DCT: variants seen among roughly 807,000 people sequenced by gnomAD.
DCT encodes the protein L-dopachrome tautomerase.
In DCT, 47 loss-of-function variants were observed where a neutral mutation model predicts 53.0. The ratio of observed to expected loss-of-function variants is 0.89; its 90% CI spans 0.70 to 1.13. DCT has a LOEUF of 1.13. Ranked by LOEUF, DCT falls within the 50% of genes most tolerant of loss-of-function variation. The pLI is 0.00. For missense variants in DCT, 669 were observed against 637.4 expected (o/e 1.05, Z -0.53); for synonymous variants, 244 against 237.0 (o/e 1.03, Z -0.27).
At chr13:94,468,239 T>C (rs41275886) in intron 2 of DCT, 7,123 of 157,426 alleles carry the variant, frequency 0.045, 540 homozygotes, top group African/African-American at 0.16. Context: ...TATCATGTGA[T>C]AGACTGTCTA....
rs200817494 is a variant in DCT, at chr13:94,461,292, CAT to C, written c.1043+716_1043+717del. On this transcript the variant is annotated intron_variant, in intron 5 of 7. Coordinates refer to ENST00000377028, the MANE Select transcript of DCT (RefSeq NM_001922.5). ...GAAACTCTGGGAGCAGGGCATGAAACATGTGTTTTTCTTTGGTGATTTTGAGA... is the reference window on the plus strand; with the variant it reads ...GAAACTCTGGGAGCAGGGCATGAAACGTGTTTTTCTTTGGTGATTTTGAGA... 6.4e-3 allele frequency among the ~76,000 whole-genome samples: 977 copies of C among 152,158 alleles called. 9 individuals carry two copies. Among genetic ancestry groups the C allele is most frequent in the Middle Eastern group, 0.031 (9 of 294 alleles).
rs1566855309 is a variant in DCT, at chr13:94,472,556, ATATATATATATATTTTTTTTTTTTTTTT to A, written c.296-3539_296-3512del. ...TATATATATATATATATATATATATATATATATATATATTTTTTTTTTTTTTTTTTTTTTTTTTTTTTGTCAAGACAGT... is the reference window on the plus strand; with the variant it reads ...TATATATATATATATATATATATATATTTTTTTTTTTTTTGTCAAGACAGT... On this transcript the variant is annotated intron_variant, in intron 1 of 7. Transcript: ENST00000377028. 9.6e-3 allele frequency among the ~76,000 whole-genome samples: 218 copies of A among 22,768 alleles called. 3 individuals carry two copies. The highest frequency in any genetic ancestry group is 0.013 in the Non-Finnish European group (181 of 13,628). 14.9% of individuals were successfully genotyped at this position (22,768 alleles called of 152,430 possible).
At chr13:94,524,051 GC>G in the DCT span, among the ~76,000 whole-genome samples, 2 of 152,174 alleles carry the variant, frequency 1.3e-5, no homozygotes, top group Non-Finnish European at 1.5e-5. Flanking sequence ...AATAAAATGA[GC>G]TAATACCTCC....
In DCT at chr13:94,462,052, A is replaced by G. The variant is rs1883832817; in HGVS notation, c.1001T>C (p.Phe334Ser). The change falls in exon 5 of 8, where the codon TTT (phenylalanine) becomes TCT (serine). Residue 334 changes from phenylalanine to serine, a missense_variant. Coordinates refer to ENST00000377028, the MANE Select transcript of DCT (RefSeq NM_001922.5). The part of the protein sequence containing the change: ...DIRDCLSLQK[F>S]DNPPFFQNST... ...GTTCTGGAAGAAGGGAGGATTGTCA[A>G]ACTTCTGGAGAGACAGGCAATCTCG... The G allele has an allele frequency of 1.2e-6, 2 of 1,613,224 alleles. No individual in the cohort carries two copies. Among genetic ancestry groups the G allele is most frequent in the Admixed American group, 1.7e-5 (1 of 59,784 alleles).
At position 94,439,854 on chromosome 13, in the gene DCT, C is replaced by G. The variant is rs1382229713; in HGVS notation, c.*44G>C. On this transcript the variant is annotated 3_prime_UTR_variant, in exon 8 of 8. Transcript: ENST00000377028. ...AGTTCCTTTATTGTCAGCGTCAGAA[C>G]TGTGGCTTGGCCAGCCTCTTCTCTT... The G allele has an allele frequency of 4.7e-6, 7 of 1,487,054 alleles. No individual in the cohort carries two copies. In the East Asian group the frequency reaches 6.8e-5, roughly 14 times the overall value. The allele number at this position is 1,487,054 out of a possible 1,614,324, so 92.1% of individuals were successfully genotyped here. A position where few individuals can be genotyped will look rare whatever the true frequency, so the allele number is the denominator to read the frequency against.
At chr13:94,535,746 G>A in the DCT span, among the ~76,000 whole-genome samples, 4 of 152,200 alleles carry the variant, frequency 2.6e-5, no homozygotes, top group Non-Finnish European at 4.4e-5. Flanking sequence ...TGCAGAGGTC[G>A]TCAATAAATA....
At chr13:94,476,180 CTTTTTTTTTTTT>C (rs529819051) in intron 1 of DCT, among the ~76,000 whole-genome samples, 1,172 of 72,802 alleles carry the variant, frequency 0.016, 18 homozygotes, top group African/African-American at 0.06. Flanking sequence ...GGGGGAGCCT[CTTTTTTTTTTTT>C]TTTTTTTTTT....
chr13:94,540,089 C>T, the DCT span, among the ~76,000 whole-genome samples: 1 of 151,814 alleles, frequency 6.6e-6, no homozygotes, highest in Admixed American at 6.6e-5. Context: ...GAATTTCCCA[C>T]CATGTAGCTC....
At chr13:94,546,104 C>T in the DCT span, among the ~76,000 whole-genome samples, 1 of 152,092 alleles carries the variant, frequency 6.6e-6, no homozygotes, top group African/African-American at 2.4e-5. The surrounding 1 kb of genome is among the most constrained non-coding windows in gnomAD (Gnocchi z 4.2). Flanking sequence ...AATTGTGACT[C>T]CTTCCTCTGT....
chr13:94,470,780 G>A (rs1317507759), intron 1 of DCT, among the ~76,000 whole-genome samples: 1 of 152,120 alleles, frequency 6.6e-6, no homozygotes, highest in Non-Finnish European at 1.5e-5. Context: ...GATTCCAAAG[G>A]TCGGGGTTCG....
At chr13:94,464,039 CTT>C (rs1416363373) in intron 4 of DCT, among the ~76,000 whole-genome samples, 5 of 152,216 alleles carry the variant, frequency 3.3e-5, no homozygotes, top group Non-Finnish European at 7.3e-5. Flanking sequence ...ACGGAAATCT[CTT>C]TTCACATACC....
At chr13:94,547,875 A>G in the DCT span, among the ~76,000 whole-genome samples, 32 of 149,130 alleles carry the variant, frequency 2.1e-4, no homozygotes, top group African/African-American at 8.0e-4. Context: ...CTGTAATCCC[A>G]GCAACTCGAG....
the DCT span, among the ~76,000 whole-genome samples, chr13:94,538,594 A>T: frequency 6.6e-6 from 1 of 152,216 alleles, no homozygotes; most frequent in African/African-American, 2.4e-5. Context: ...GCTACAATGT[A>T]AGAATTCAAG....
At chr13:94,474,312 C>T (rs1488200045) in intron 1 of DCT, among the ~76,000 whole-genome samples, 1 of 152,196 alleles carries the variant, frequency 6.6e-6, no homozygotes, top group East Asian at 1.9e-4. Flanking sequence ...ACTGCATCAG[C>T]TCAACCTCAG....
the DCT span, among the ~76,000 whole-genome samples, chr13:94,505,062 C>T: frequency 6.6e-6 from 1 of 151,846 alleles, no homozygotes; most frequent in African/African-American, 2.4e-5. Context: ...GACTGAAAAA[C>T]GAACAAAAGC....
chr13:94,478,532 A>G (rs1228642163), intron 1 of DCT, among the ~76,000 whole-genome samples: 1 of 152,220 alleles, frequency 6.6e-6, no homozygotes, highest in Non-Finnish European at 1.5e-5. Flanking sequence ...CTGAGACCAG[A>G]ACACCTGCCT....
the DCT span, among the ~76,000 whole-genome samples, chr13:94,534,328 C>T: frequency 2.0e-5 from 3 of 152,204 alleles, no homozygotes; most frequent in Non-Finnish European, 4.4e-5. Context: ...CAGGTCAAGT[C>T]GAATGGAATG....
the DCT span, among the ~76,000 whole-genome samples, chr13:94,507,874 G>A: frequency 6.6e-6 from 1 of 152,128 alleles, no homozygotes; most frequent in Non-Finnish European, 1.5e-5. Flanking sequence ...TAACTTTATA[G>A]AGTCAAGAGT....
chr13:94,548,608 C>A, the DCT span, among the ~76,000 whole-genome samples: 1 of 152,026 alleles, frequency 6.6e-6, no homozygotes, highest in Non-Finnish European at 1.5e-5. Flanking sequence ...ACATCAGGTG[C>A]CTGGGCCTCC....
Sources: gnomAD v4.1 joint callset for allele counts (sites outside exome capture counted in the v4.1 genomes callset) on GRCh38, gnomAD v4.1.1 for gene constraint, Gnocchi (gnomAD v3.1) non-coding constraint, MANE v1.5 for transcripts, NCBI Gene and HGNC (gene_info 2026-07-23, HGNC 2026-07-21) for gene names.